HDAC1: variants seen among roughly 807,000 people sequenced by gnomAD.
The protein encoded by HDAC1 is histone deacetylase 1.
A neutral mutation model predicts 65.5 loss-of-function variants in HDAC1; 18 were observed. That is an observed-to-expected ratio of 0.27 (90% CI 0.19 to 0.41). The LOEUF is 0.41. Among genes scored for constraint, HDAC1 ranks in the 10% least tolerant of loss-of-function variants. The pLI is 1.00. For synonymous variants in HDAC1, 211 were observed against 227.9 expected (o/e 0.93, Z 0.67); for missense variants, 373 against 625.2 (o/e 0.60, Z 4.30).
intron 3 of HDAC1, among the ~76,000 whole-genome samples, chr1:32,320,899 C>CAA (rs1160071616): frequency 0.018 from 417 of 23,062 alleles, 18 homozygotes; most frequent in Non-Finnish European, 0.027. Flanking sequence ...GACTCCATCT[C>CAA]AAAAAAAAAA....
Position 32,332,077 on chromosome 1 carries a change from C to T in HDAC1, c.1220-13C>T. 6.4e-7 allele frequency: 1 copy of T among 1,574,518 alleles called. No individual in the cohort carries two copies. Among genetic ancestry groups the T allele is most frequent in the South Asian group, 1.2e-5 (1 of 84,870 alleles). ...CGCCTGCCCTCTCACCCATGCTTCC[C>T]ACTCCCTCCCAGTCTGCTCCTCTGA... is the stretch of plus-strand genomic sequence containing the variant. On this transcript the variant is annotated splice_polypyrimidine_tract_variant and intron_variant, in intron 11 of 13. Coordinates refer to ENST00000373548, the MANE Select transcript of HDAC1 (RefSeq NM_004964.3).
At chr1:32,293,320 T>TAAAAAAA (rs551512691) in intron 1 of HDAC1, among the ~76,000 whole-genome samples, 1 of 121,634 alleles carries the variant, frequency 8.2e-6, no homozygotes, top group Non-Finnish European at 1.8e-5. Flanking sequence ...GGCTCTGTCT[T>TAAAAAAA]AAAAAAAAAA....
rs547455476 is a variant in HDAC1 at position 32,330,767 on chromosome 1, G to A, written c.839-1G>A. 6.2e-7 allele frequency: 1 copy of A among 1,614,136 alleles called. No homozygotes were observed. Among genetic ancestry groups the A allele is most frequent in the South Asian group, 1.1e-5 (1 of 91,084 alleles). ...ACTCAGCACCCCTTCTCCCACCAAA[G>A]GACACGCCAAGTGTGTGGAATTTGT... is the stretch of plus-strand genomic sequence containing the variant. On this transcript the variant is annotated splice_acceptor_variant, in intron 8 of 13. Transcript: ENST00000373548. LOFTEE classifies it high-confidence loss of function. The surrounding 1 kb of genome is among the most constrained non-coding windows in gnomAD (Gnocchi z 4.2).
In HDAC1 at chr1:32,292,145, A is replaced by G; in HGVS notation, c.-25A>G. 3 of 1,547,088 alleles carry G rather than the reference A, an allele frequency of 1.9e-6. No individual in the cohort carries two copies. Among genetic ancestry groups the G allele is most frequent in the Non-Finnish European group, 2.6e-6 (3 of 1,145,774 alleles). On this transcript the variant is annotated 5_prime_UTR_variant, in exon 1 of 14. Coordinates refer to ENST00000373548, the MANE Select transcript of HDAC1 (RefSeq NM_004964.3). ...GGCGGGAGGGCGGACGGACCGACTG[A>G]CGGTAGGGACGGGAGGCGAGCAAGA...
chr1:32,321,178 C>G (rs1465403193), intron 3 of HDAC1, among the ~76,000 whole-genome samples: 1 of 150,734 alleles, frequency 6.6e-6, no homozygotes, highest in Non-Finnish European at 1.5e-5. Flanking sequence ...TTGCAGTGAG[C>G]TGACATTGCG....
chr1:32,315,836 G>A (rs1393780850), intron 2 of HDAC1, among the ~76,000 whole-genome samples: 1 of 150,676 alleles, frequency 6.6e-6, no homozygotes, highest in African/African-American at 2.4e-5. Context: ...GTCGTGGTGG[G>A]CGCCTGTAAT....
At position 32,333,098 on chromosome 1, in the gene HDAC1, C is replaced by T. The variant is rs963744314; in HGVS notation, c.*54C>T. The stretch of plus-strand genomic sequence containing the variant: ...TGAGTCCCTCACGTTTCTTCCCCAA[C>T]CCCTCAGATTTTATATTTTCTATTT... On this transcript the variant is annotated 3_prime_UTR_variant, in exon 14 of 14. Coordinates refer to ENST00000373548, the MANE Select transcript of HDAC1 (RefSeq NM_004964.3). The T allele has an allele frequency of 5.7e-6, 8 of 1,395,786 alleles. No homozygotes were observed. The highest frequency in any genetic ancestry group is 7.1e-6 in the Non-Finnish European group (7 of 989,162). 86.5% of individuals were successfully genotyped at this position (1,395,786 alleles called of 1,614,324 possible).
chr1:32,331,883 A>C lies in HDAC1; in HGVS notation c.1219+77A>C, dbSNP rs575846547. On this transcript the variant is annotated intron_variant, in intron 11 of 13. Transcript: ENST00000373548. This position sits in a 1 kb window ranked among gnomAD's most constrained non-coding sequence, Gnocchi z 4.2. ...CTTCCACCACCATTCCTGGCTGCACACTCCCTCCAAGCTCCCCACCTGTAG... is the reference window on the plus strand; with the variant it reads ...CTTCCACCACCATTCCTGGCTGCACCCTCCCTCCAAGCTCCCCACCTGTAG... 4 of 1,513,234 alleles carry C rather than the reference A, an allele frequency of 2.6e-6. No individual in the cohort carries two copies. The highest frequency in any genetic ancestry group is 2.1e-5 in the Admixed American group (1 of 48,768). The allele number at this position is 1,513,234 out of a possible 1,614,324, so 93.7% of individuals were successfully genotyped here. A position where few individuals can be genotyped will look rare whatever the true frequency, so the allele number is the denominator to read the frequency against.
Position 32,332,940 on chromosome 1 carries a change from G to A in HDAC1, c.1422-77G>A, listed in dbSNP as rs943548861. 6.8e-6 allele frequency: 10 copies of A among 1,470,470 alleles called. No homozygotes were observed. In the African/African-American group the frequency reaches 6.9e-5, roughly 10 times the overall value. 91.1% of individuals were successfully genotyped at this position (1,470,470 alleles called of 1,614,324 possible). On this transcript the variant is annotated intron_variant, in intron 13 of 13. Coordinates refer to ENST00000373548, the MANE Select transcript of HDAC1 (RefSeq NM_004964.3). ...GCCCCCAGTAGTCACCTAGGATCCT[G>A]TGGAAGTCACTGTCTGCACTTTTGC...
chr1:32,310,025 T>C (rs949301598), intron 2 of HDAC1, among the ~76,000 whole-genome samples: 1 of 152,192 alleles, frequency 6.6e-6, no homozygotes, highest in African/African-American at 2.4e-5. Context: ...CTCTCAAACA[T>C]GTTTTATTTA....
intron 4 of HDAC1, among the ~76,000 whole-genome samples, chr1:32,325,361 C>T (rs1046267464): frequency 2.0e-5 from 3 of 152,168 alleles, no homozygotes; most frequent in Non-Finnish European, 1.5e-5. Context: ...TTGTGTCCAT[C>T]CCCGCTGCCC....
chr1:32,324,925 C>A (rs1214150200), intron 4 of HDAC1, among the ~76,000 whole-genome samples: 1 of 152,002 alleles, frequency 6.6e-6, no homozygotes, highest in East Asian at 1.9e-4. Context: ...GTGGTCACAC[C>A]ACTACACTCT....
At chr1:32,295,180 G>A (rs1405261939) in intron 1 of HDAC1, among the ~76,000 whole-genome samples, 1 of 152,128 alleles carries the variant, frequency 6.6e-6, no homozygotes, top group South Asian at 2.1e-4. Context: ...TTGGTAGGCT[G>A]GGGCGGATGG....
Position 32,324,563 on chromosome 1 carries a change from A to T in HDAC1, c.355+10A>T. On this transcript the variant is annotated intron_variant, in intron 4 of 13. Coordinates refer to ENST00000373548, the MANE Select transcript of HDAC1 (RefSeq NM_004964.3). ...ACTGGTGGTTCTGTGGGTAAGGAAT[A>T]TTCATCTTCTCCCCAGGGGTAGACT... The T allele has an allele frequency of 1.9e-6, 3 of 1,585,108 alleles. No homozygotes were observed. Among genetic ancestry groups the T allele is most frequent in the Non-Finnish European group, 2.6e-6 (3 of 1,153,548 alleles).
chr1:32,330,592 A>G lies in HDAC1; in HGVS notation c.744A>G (p.Val248=). Residue 248 remains valine, a synonymous_variant, in exon 8 of 14, where the codon GTA becomes GTG. Transcript: ENST00000373548. The surrounding 1 kb of genome is among the most constrained non-coding windows in gnomAD (Gnocchi z 4.2). ...TATCATTTTAGGTCATGTCCAAAGT[A>G]ATGGAGATGTTCCAGCCTAGTGCGG... The part of the protein sequence containing the change: ...EAIFKPVMSK[V]MEMFQPSAVV... 6.2e-7 allele frequency: 1 copy of G among 1,611,824 alleles called. No individual in the cohort carries two copies. The highest frequency in any genetic ancestry group is 1.3e-5 in the African/African-American group (1 of 74,974).
intron 2 of HDAC1, among the ~76,000 whole-genome samples, chr1:32,303,170 C>G (rs139082144): frequency 1.3e-5 from 2 of 152,078 alleles, no homozygotes; most frequent in East Asian, 1.9e-4. Context: ...AAGACTCTGT[C>G]TTAAAAAAAC....
At chr1:32,315,191 TC>T (rs1233688682) in intron 2 of HDAC1, among the ~76,000 whole-genome samples, 2 of 152,112 alleles carry the variant, frequency 1.3e-5, no homozygotes, top group Non-Finnish European at 2.9e-5. Context: ...AATTAGCTTG[TC>T]AAGGAAGTGT....
At chr1:32,298,970 G>A (rs1640809282) in intron 1 of HDAC1, among the ~76,000 whole-genome samples, 1 of 152,198 alleles carries the variant, frequency 6.6e-6, no homozygotes, top group South Asian at 2.1e-4. Flanking sequence ...CTGCACTCCA[G>A]CCTGGGTGAC....
intron 2 of HDAC1, among the ~76,000 whole-genome samples, chr1:32,305,395 C>T (rs1262254367): frequency 6.6e-6 from 1 of 152,098 alleles, no homozygotes. Flanking sequence ...CACATATTCA[C>T]CTGTGTTAGA....
Sources: allele counts gnomAD v4.1 joint callset (sites outside exome capture counted in the v4.1 genomes callset), GRCh38; gene constraint gnomAD v4.1.1; non-coding constraint Gnocchi (gnomAD v3.1); transcripts MANE v1.5; gene names NCBI Gene and HGNC (gene_info 2026-07-23, HGNC 2026-07-21).